Variants in EBF1 observed in about 807,000 individuals in gnomAD.
The protein encoded by EBF1 is EBF transcription factor 1, also known as transcription factor COE1.
In EBF1, 10 loss-of-function variants were observed where a neutral mutation model predicts 68.4. The ratio of observed to expected loss-of-function variants is 0.15; its 90% confidence interval spans 0.09 to 0.25. The LOEUF (loss-of-function observed/expected upper bound fraction) is 0.25, where lower values mean the gene tolerates loss of function less well. Ranked by LOEUF, EBF1 falls within the 10% of genes least tolerant of loss-of-function variation. The pLI, the probability that EBF1 is intolerant of heterozygous loss-of-function variation, is 1.00. For synonymous variants in EBF1, 298 were observed against 299.8 expected, an observed-to-expected ratio of 0.99 and a Z score of 0.06; for missense variants, 509 against 794.4, an observed-to-expected ratio of 0.64 and a Z score of 4.32.
intron 9 of EBF1, among the ~76,000 whole-genome samples, chr5:158,789,121 CAAAT>C (rs1456638794): frequency 2.6e-5 from 4 of 151,618 alleles, no homozygotes; most frequent in East Asian, 1.9e-4. Context: ...AATTTGTTAA[CAAAT>C]AAAGTTTATA....
chr5:158,827,600 C>T (rs905973626), intron 7 of EBF1, among the ~76,000 whole-genome samples: 1 of 152,180 alleles, frequency 6.6e-6, no homozygotes, highest in African/African-American at 2.4e-5. Flanking sequence ...ACTTCTCAGG[C>T]AGCCCCTCTT....
rs192526364 is a variant in EBF1, at chr5:159,070,536, C to T, written c.554+2860G>A. On this transcript the variant is annotated intron_variant, in intron 6 of 15. Coordinates refer to ENST00000313708, the MANE Select transcript of EBF1 (RefSeq NM_024007.5). ...TAACACAGAAATAGCTTGCCCTGCACGATTGCACTATGACCAGAAAGTCTC... is the reference window on the plus strand; with the variant it reads ...TAACACAGAAATAGCTTGCCCTGCATGATTGCACTATGACCAGAAAGTCTC... 9.2e-5 allele frequency among the ~76,000 whole-genome samples: 14 copies of T among 152,268 alleles called. No homozygotes were observed. In the South Asian group the frequency reaches 1.7e-3, roughly 18 times the overall value.
intron 6 of EBF1, among the ~76,000 whole-genome samples, chr5:159,009,529 A>G (rs1449703394): frequency 6.6e-6 from 1 of 152,212 alleles, no homozygotes; most frequent in African/African-American, 2.4e-5. Flanking sequence ...GTGAGAATTC[A>G]TACTATGAAT....
In EBF1 at chr5:158,749,743, A is replaced by C. The variant is rs1021649129; in HGVS notation, c.1037-18586T>G. Among the ~76,000 whole-genome samples the C allele has an allele frequency of 3.3e-5, 5 of 152,106 alleles. No homozygotes were observed. The East Asian group carries it at 7.7e-4, about 23-fold the overall frequency. On this transcript the variant is annotated intron_variant, in intron 10 of 15. Coordinates refer to ENST00000313708, the MANE Select transcript of EBF1 (RefSeq NM_024007.5). The stretch of plus-strand genomic sequence containing the variant: ...AATAGCAGTGATGAGTTTCTTTTAC[A>C]CGGCAGGAATATTTTCTTGGCTGTT...
At chr5:158,959,313 A>T (rs571375512) in intron 6 of EBF1, among the ~76,000 whole-genome samples, 1 of 147,660 alleles carries the variant, frequency 6.8e-6, no homozygotes, top group Non-Finnish European at 1.5e-5. Flanking sequence ...TTTTTTTGAG[A>T]CGGAGTCTTA....
At chr5:158,805,252 G>C (rs1176511585) in intron 8 of EBF1, among the ~76,000 whole-genome samples, 1 of 152,122 alleles carries the variant, frequency 6.6e-6, no homozygotes. Flanking sequence ...CAGTCTTCCT[G>C]GGCCTGGAAA....
rs1209336546 is a variant in EBF1, at chr5:158,974,107, A to G, written c.554+99289T>C. Among the ~76,000 whole-genome samples, 3 of 152,176 alleles carry G rather than the reference A, an allele frequency of 2.0e-5. No individual in the cohort carries two copies. In the East Asian group the frequency reaches 5.8e-4, roughly 29 times the overall value. On this transcript the variant is annotated intron_variant, in intron 6 of 15. Transcript: ENST00000313708. ...GGCATAGATGCAGCTCATCCTCTTA[A>G]TATCTCTAATTCCTAGCACAATGAT...
intron 6 of EBF1, among the ~76,000 whole-genome samples, chr5:158,873,816 A>C (rs946719676): frequency 6.6e-6 from 1 of 152,214 alleles, no homozygotes; most frequent in Non-Finnish European, 1.5e-5. Context: ...AGTGCTATTT[A>C]AAGACACCTA....
intron 6 of EBF1, among the ~76,000 whole-genome samples, chr5:158,989,487 C>A (rs1220812077): frequency 6.6e-6 from 1 of 152,188 alleles, no homozygotes; most frequent in Non-Finnish European, 1.5e-5. Context: ...TAGTCACAGA[C>A]ATCAGTGTAA....
At chr5:159,054,415 T>TAG (rs776168801) in intron 6 of EBF1, among the ~76,000 whole-genome samples, 3 of 152,138 alleles carry the variant, frequency 2.0e-5, no homozygotes, top group Admixed American at 2.0e-4. Flanking sequence ...ATTTAAAAAA[T>TAG]AGAGAGAGAG....
At chr5:158,810,226 AT>A (rs1268890912) in intron 8 of EBF1, among the ~76,000 whole-genome samples, 1 of 152,176 alleles carries the variant, frequency 6.6e-6, no homozygotes, top group Admixed American at 6.5e-5. Context: ...GCTGGGATAT[AT>A]CCCCCTCACC....
chr5:158,728,766 T>C (rs1273712738), intron 11 of EBF1, among the ~76,000 whole-genome samples: 2 of 152,156 alleles, frequency 1.3e-5, no homozygotes, highest in Non-Finnish European at 2.9e-5. Context: ...GGTTTTGTGA[T>C]GGTACCCAGG....
chr5:159,081,232 C>G (rs1003296670), intron 5 of EBF1, among the ~76,000 whole-genome samples: 18 of 152,156 alleles, frequency 1.2e-4, no homozygotes, highest in Non-Finnish European at 8.8e-5. Flanking sequence ...ATCCTCCCAC[C>G]CTGGCCTCCC....
intron 10 of EBF1, among the ~76,000 whole-genome samples, chr5:158,745,076 T>G (rs1371046441): frequency 6.6e-6 from 1 of 152,218 alleles, no homozygotes; most frequent in Non-Finnish European, 1.5e-5. Flanking sequence ...AACTAGAATT[T>G]AATCTTCCCC....
At chr5:159,017,834 G>A (rs1458152691) in intron 6 of EBF1, among the ~76,000 whole-genome samples, 1 of 152,194 alleles carries the variant, frequency 6.6e-6, no homozygotes, top group African/African-American at 2.4e-5. Flanking sequence ...AGAAGGCTAA[G>A]GAGTATTAGG....
chr5:158,718,286 C>A (rs1276279277), intron 11 of EBF1, among the ~76,000 whole-genome samples: 1 of 152,152 alleles, frequency 6.6e-6, no homozygotes, highest in Non-Finnish European at 1.5e-5. Context: ...CTTGGTCCTA[C>A]CATCTTTGTC....
At chr5:158,813,177 TTTAAC>T (rs1308131760) in intron 8 of EBF1, among the ~76,000 whole-genome samples, 1 of 152,204 alleles carries the variant, frequency 6.6e-6, no homozygotes, top group Non-Finnish European at 1.5e-5. Context: ...CAACTTTTTC[TTTAAC>T]TTTAGTCTTG....
chr5:159,087,371 CACATATATATACACATATATAT>C (rs1229409451), intron 4 of EBF1, among the ~76,000 whole-genome samples: 33 of 141,754 alleles, frequency 2.3e-4, no homozygotes, highest in African/African-American at 6.5e-4. Context: ...TATATATACA[CACATATATATACACATATATAT>C]ACATATATAT....
chr5:158,991,594 C>T (rs961829683), intron 6 of EBF1, among the ~76,000 whole-genome samples: 5 of 152,042 alleles, frequency 3.3e-5, no homozygotes, highest in Non-Finnish European at 2.9e-5. Flanking sequence ...GTTAACATTG[C>T]CAAAAGATGA....
Sources: allele counts gnomAD v4.1 joint callset (sites outside exome capture counted in the v4.1 genomes callset), GRCh38; gene constraint gnomAD v4.1.1; transcripts MANE v1.5; gene names NCBI Gene and HGNC (gene_info 2026-07-23, HGNC 2026-07-21).